The following PRR36 variants were observed in gnomAD, a reference collection of about 807,000 sequenced individuals.
PRR36 encodes proline-rich protein 36.
PRR36 carries 30 observed loss-of-function variants against 58.6 expected under a neutral mutation model. The ratio of observed to expected loss-of-function variants is 0.51; its 90% CI spans 0.38 to 0.69. The LOEUF (loss-of-function observed/expected upper bound fraction) is 0.69, where lower values mean the gene tolerates loss of function less well. PRR36 is among the 30% of genes least tolerant of loss of function. PRR36 has a pLI of 0.00. For synonymous variants in PRR36, 771 were observed against 829.3 expected (o/e 0.93, Z 1.21); for missense variants, 1,692 against 1,805.6 (o/e 0.94, Z 1.14).
Position 7,873,927 on chromosome 19 carries a change from G to A in PRR36, c.-7-231C>T, listed in dbSNP as rs1980588296. On this transcript the variant is annotated intron_variant, in intron 1 of 5. Coordinates refer to ENST00000618550, the MANE Select transcript of PRR36 (RefSeq NM_001190467.2). This position sits in a 1 kb window ranked among gnomAD's most constrained non-coding sequence, Gnocchi z 5.0. ...CCACCGCTTTTCCCTAAAGCGAAGA[G>A]GCCCTGCCCGCCCCAGCCCACCGCC... 1.3e-5 allele frequency among the ~76,000 whole-genome samples: 2 copies of A among 150,868 alleles called. No individual in the cohort carries two copies. The highest frequency in any genetic ancestry group is 4.2e-4 in the South Asian group (2 of 4,726).
Position 7,871,376 on chromosome 19 carries a change from T to C in PRR36, c.1868A>G (p.Gln623Arg). Residue 623 changes from glutamine to arginine, a missense_variant, in exon 5 of 6, where the codon CAG becomes CGG. Transcript: ENST00000618550. Reference sequence around the variant, plus strand: ...CATTGTCAGGAAAGAATGTGTGGCCTGCAGAGTGGGTGAGCCCAAAGAAGT... The same window carrying C: ...CATTGTCAGGAAAGAATGTGTGGCCCGCAGAGTGGGTGAGCCCAAAGAAGT... Reference protein sequence around the residue: ...ATTSLGSPTLQATHSFLTMSP... With the variant: ...ATTSLGSPTLRATHSFLTMSP... 4 of 1,535,348 alleles carry C rather than the reference T, an allele frequency of 2.6e-6. No individual in the cohort carries two copies. In the South Asian group the frequency reaches 4.8e-5, roughly 18 times the overall value.
In PRR36 at chr19:7,873,731, G is replaced by A. The variant is rs529555386; in HGVS notation, c.-7-35C>T. The A allele has an allele frequency of 4.9e-5, 74 of 1,519,576 alleles. No individual in the cohort carries two copies. The South Asian group carries it at 8.2e-4, about 17-fold the overall frequency. The allele number at this position is 1,519,576 out of a possible 1,614,324, so 94.1% of individuals were successfully genotyped here. On this transcript the variant is annotated intron_variant, in intron 1 of 5. Coordinates refer to ENST00000618550, the MANE Select transcript of PRR36 (RefSeq NM_001190467.2). This position sits in a 1 kb window ranked among gnomAD's most constrained non-coding sequence, Gnocchi z 5.0. The stretch of plus-strand genomic sequence containing the variant: ...CAAACCGGTCCGCATCCCAGGTTCT[G>A]GACAGCTACGCCGCCTCCAGAGACC...
In PRR36 at chr19:7,871,342, C is replaced by A. The variant is rs1371931994; in HGVS notation, c.1902G>T (p.Arg634Ser). 1.3e-6 allele frequency: 2 copies of A among 1,530,744 alleles called. No individual in the cohort carries two copies. Among genetic ancestry groups the A allele is most frequent in the Non-Finnish European group, 1.7e-6 (2 of 1,143,604 alleles). The allele number at this position is 1,530,744 out of a possible 1,614,324, so 94.8% of individuals were successfully genotyped here. A position where few individuals can be genotyped will look rare whatever the true frequency, so the allele number is the denominator to read the frequency against. The change falls in exon 5 of 6, where the codon AGG becomes AGT. Residue 634 changes from arginine to serine, a missense_variant. By Grantham distance (110) the Arg-to-Ser change is moderately radical. Coordinates refer to ENST00000618550, the MANE Select transcript of PRR36 (RefSeq NM_001190467.2). ...GTGAGATCAAAGAAGCTTGGGTTTG[C>A]CTAGGGGACATTGTCAGGAAAGAAT... ...ATHSFLTMSPRQTQASLISPS... is the reference protein window; with the variant it reads ...ATHSFLTMSPSQTQASLISPS...
In PRR36 at chr19:7,869,832, T is replaced by A; in HGVS notation, c.3412A>T (p.Ser1138Cys). 7.4e-7 allele frequency: 1 copy of A among 1,349,738 alleles called. No homozygotes were observed. Among genetic ancestry groups the A allele is most frequent in the Non-Finnish European group, 9.5e-7 (1 of 1,057,654 alleles). 83.6% of individuals were successfully genotyped at this position (1,349,738 alleles called of 1,614,324 possible). A position where few individuals can be genotyped will look rare whatever the true frequency, so the allele number is the denominator to read the frequency against. The change falls in exon 5 of 6, where the codon AGC becomes TGC. Residue 1138 changes from serine to cysteine, a missense_variant. Ser to Cys is a moderately radical substitution (Grantham distance 112). This residue lies in a region of PRR36 where 485 missense variants were observed against 549.2 expected (regional missense o/e 0.88). Transcript: ENST00000618550. ...STPEELRGYD[S>C]GPEGGAAASP... is the part of the protein sequence containing the mutation. The stretch of plus-strand genomic sequence containing the variant: ...GCTGCGGCACCGCCCTCGGGCCCGC[T>A]GTCGTAGCCACGCAGCTCCTCTGGC...
rs971687327 is a variant in PRR36 at position 7,873,670 on chromosome 19, T to A, written c.20A>T (p.Lys7Met). Residue 7 changes from lysine to methionine, a missense_variant, in exon 2 of 6, where the codon AAG (lysine) becomes ATG (methionine). Lys to Met is a moderately conservative substitution (Grantham distance 95). This residue lies in a region of PRR36 where 975 missense variants were observed against 955.2 expected (regional missense o/e 1.02). Coordinates refer to ENST00000618550, the MANE Select transcript of PRR36 (RefSeq NM_001190467.2). The surrounding 1 kb of genome is among the most constrained non-coding windows in gnomAD (Gnocchi z 5.0). MDNKRDKAKAGAAARTP... is the reference protein window; with the variant it reads MDNKRDMAKAGAAARTP... The stretch of plus-strand genomic sequence containing the variant: ...CCGCGCGGCGGCCCCTGCCTTCGCC[T>A]TGTCTCTCTTGTTGTCCATCTTGCA... 1.4e-5 allele frequency: 22 copies of A among 1,535,062 alleles called. No individual in the cohort carries two copies. In the African/African-American group the frequency reaches 3.0e-4, roughly 21 times the overall value.
Position 7,869,951 on chromosome 19 carries a change from A to AACGCCAGGGTCAGCCGTGGGCCC in PRR36, c.3270_3292dup (p.Leu1098TrpfsTer5), listed in dbSNP as rs1313615071. On this transcript the variant is annotated stop_gained and frameshift_variant, in exon 5 of 6. Transcript: ENST00000618550. LOFTEE classifies it high-confidence loss of function. Reference sequence around the variant, plus strand: ...GGGCGGCGGCGGCGGGCCGGGGGCCAACGCCAGGGTCAGCCGTGGGCCCGA... The same window carrying AACGCCAGGGTCAGCCGTGGGCCC: ...GGGCGGCGGCGGCGGGCCGGGGGCCAACGCCAGGGTCAGCCGTGGGCCCACGCCAGGGTCAGCCGTGGGCCCGA... The AACGCCAGGGTCAGCCGTGGGCCC allele has an allele frequency of 3.6e-6, 5 of 1,371,616 alleles. No homozygotes were observed. Among genetic ancestry groups the AACGCCAGGGTCAGCCGTGGGCCC allele is most frequent in the Non-Finnish European group, 4.7e-6 (5 of 1,069,942 alleles). 85.0% of individuals were successfully genotyped at this position (1,371,616 alleles called of 1,614,324 possible).
rs1284042939 is a variant in PRR36 at position 7,869,562 on chromosome 19, A to C, written c.3530-18T>G. 56 of 1,516,294 alleles carry C rather than the reference A, an allele frequency of 3.7e-5. No individual in the cohort carries two copies. Among genetic ancestry groups the C allele is most frequent in the African/African-American group, 1.4e-5 (1 of 70,232 alleles). The allele number at this position is 1,516,294 out of a possible 1,614,324, so 93.9% of individuals were successfully genotyped here. On this transcript the variant is annotated intron_variant, in intron 5 of 5. Coordinates refer to ENST00000618550, the MANE Select transcript of PRR36 (RefSeq NM_001190467.2). The stretch of plus-strand genomic sequence containing the variant: ...GGGCGCACCTGCGGGGAGAGACGCC[A>C]GGTGGGCCGTGGGGGTGATAAGCCC...
rs940654318 is a variant in PRR36 at position 7,873,386 on chromosome 19, T to C, written c.271+33A>G. ...CAGGTATTGGAAGGGGGAGGGAAGA[T>C]GGGGGCGGAGCTGAGGAAGGAGGCT... is the stretch of plus-strand genomic sequence containing the variant. On this transcript the variant is annotated intron_variant, in intron 2 of 5. Coordinates refer to ENST00000618550, the MANE Select transcript of PRR36 (RefSeq NM_001190467.2). The surrounding 1 kb of genome is among the most constrained non-coding windows in gnomAD (Gnocchi z 5.0). 2.6e-6 allele frequency: 4 copies of C among 1,514,124 alleles called. No homozygotes were observed. Among genetic ancestry groups the C allele is most frequent in the Non-Finnish European group, 3.5e-6 (4 of 1,133,828 alleles). 93.8% of individuals were successfully genotyped at this position (1,514,124 alleles called of 1,614,324 possible). A position where few individuals can be genotyped will look rare whatever the true frequency, so the allele number is the denominator to read the frequency against.
Position 7,873,409 on chromosome 19 carries a change from G to T in PRR36, c.271+10C>A, listed in dbSNP as rs1365507262. The T allele has an allele frequency of 3.9e-6, 6 of 1,524,564 alleles. No individual in the cohort carries two copies. Among genetic ancestry groups the T allele is most frequent in the Non-Finnish European group, 4.4e-6 (5 of 1,139,210 alleles). The allele number at this position is 1,524,564 out of a possible 1,614,324, so 94.4% of individuals were successfully genotyped here. A position where few individuals can be genotyped will look rare whatever the true frequency, so the allele number is the denominator to read the frequency against. ...GATGGGGGCGGAGCTGAGGAAGGAG[G>T]CTGGGGTACCAGGGTTTCGGGAACT... On this transcript the variant is annotated intron_variant, in intron 2 of 5. Transcript: ENST00000618550. This position sits in a 1 kb window ranked among gnomAD's most constrained non-coding sequence, Gnocchi z 5.0.
chr19:7,872,692 G>A lies in PRR36; in HGVS notation c.552C>T (p.Gly184=). The A allele has an allele frequency of 6.9e-7, 1 of 1,448,136 alleles. No individual in the cohort carries two copies. Among genetic ancestry groups the A allele is most frequent in the Non-Finnish European group, 9.0e-7 (1 of 1,105,824 alleles). The allele number at this position is 1,448,136 out of a possible 1,614,324, so 89.7% of individuals were successfully genotyped here. ...PAMARRSRAA[G]TEVGLPRPAP... The stretch of plus-strand genomic sequence containing the variant: ...CTGGCCGGGGGAGCCCCACCTCGGT[G>A]CCCGCAGCCCGGGACCGACGGGCCA... The change falls in exon 5 of 6, where the codon GGC becomes GGT. Residue 184 remains glycine, a synonymous_variant. Transcript: ENST00000618550. The surrounding 1 kb of genome is among the most constrained non-coding windows in gnomAD (Gnocchi z 6.1).
rs1980430612 is a variant in PRR36, at chr19:7,871,290, CAG to C, written c.1952_1953del (p.Pro651ArgfsTer354). On this transcript the variant is annotated frameshift_variant, in exon 5 of 6. Transcript: ENST00000618550. LOFTEE classifies it high-confidence loss of function. ...AGAGGGGCCTGCAGAGGGGGTGAAT[CAG>C]GGGGAGTAGAGGCCGGCCGAGAAGG... ...ISPSRPASTPPDSPPLQAPLS... is the reference protein window; with the variant it reads ...ISPSRPASTPXDSPPLQAPLS... The C allele has an allele frequency of 1.3e-6, 2 of 1,513,616 alleles. No homozygotes were observed. Among genetic ancestry groups the C allele is most frequent in the Non-Finnish European group, 1.8e-6 (2 of 1,137,608 alleles). The allele number at this position is 1,513,616 out of a possible 1,614,324, so 93.8% of individuals were successfully genotyped here. A position where few individuals can be genotyped will look rare whatever the true frequency, so the allele number is the denominator to read the frequency against.
At position 7,869,287 on chromosome 19, in the gene PRR36, G is replaced by A; in HGVS notation, c.3787C>T (p.Arg1263Trp). The A allele has an allele frequency of 2.1e-6, 3 of 1,451,114 alleles. No homozygotes were observed. Among genetic ancestry groups the A allele is most frequent in the Non-Finnish European group, 2.7e-6 (3 of 1,113,426 alleles). 89.9% of individuals were successfully genotyped at this position (1,451,114 alleles called of 1,614,324 possible). Residue 1263 changes from arginine to tryptophan, a missense_variant, in exon 6 of 6, where the codon CGG becomes TGG. Arg to Trp is a moderately radical substitution (Grantham distance 101). This residue lies in a region of PRR36 where 485 missense variants were observed against 549.2 expected (regional missense o/e 0.88). Coordinates refer to ENST00000618550, the MANE Select transcript of PRR36 (RefSeq NM_001190467.2). ...QASVVQHLLS[R>W]TLLLAAAEGA... ...TCGGCAGCCGCCAGCAGCAGCGTCC[G>A]GCTCAGCAGGTGCTGCACGACGCTC...
In PRR36 at chr19:7,873,261, G is replaced by A. The variant is rs969553387; in HGVS notation, c.310C>T (p.Pro104Ser). 9.1e-6 allele frequency: 14 copies of A among 1,535,836 alleles called. No individual in the cohort carries two copies. The highest frequency in any genetic ancestry group is 1.2e-5 in the Non-Finnish European group (14 of 1,146,844). Residue 104 changes from proline (P) to serine (S), a missense_variant, in exon 3 of 6, where the codon CCT (proline) becomes TCT (serine). Pro to Ser is a moderately conservative substitution (Grantham distance 74). Coordinates refer to ENST00000618550, the MANE Select transcript of PRR36 (RefSeq NM_001190467.2). This position sits in a 1 kb window ranked among gnomAD's most constrained non-coding sequence, Gnocchi z 5.0. The stretch of plus-strand genomic sequence containing the variant: ...CCTGGGCTGGTGTTCTTGGCAGGAG[G>A]AGCTCTCTCCCCTCTCCCAGAGGCT... The part of the protein sequence containing the change: ...PPASGRGERA[P>S]PAKNTSPGPV...
In PRR36 at chr19:7,869,754, G is replaced by T; in HGVS notation, c.3490C>A (p.Arg1164=). ...AAAGCCAGCGGCGGAGCGGGGCCTC[G>T]ACTCCAGGCAGCCGGGTGGCAAGCG... ...LAACHPAAWS[R]GPAPPLAFRG... is the part of the protein sequence containing the mutation. Residue 1164 remains arginine (R), a synonymous_variant, in exon 5 of 6, where the codon CGA becomes AGA. Coordinates refer to ENST00000618550, the MANE Select transcript of PRR36 (RefSeq NM_001190467.2). 1 of 1,359,200 alleles carries T rather than the reference G, an allele frequency of 7.4e-7. No homozygotes were observed. The highest frequency in any genetic ancestry group is 9.4e-7 in the Non-Finnish European group (1 of 1,061,810). The allele number at this position is 1,359,200 out of a possible 1,614,324, so 84.2% of individuals were successfully genotyped here.
At position 7,869,369 on chromosome 19, in the gene PRR36, G is replaced by A. The variant is rs1310473340; in HGVS notation, c.3705C>T (p.Ser1235=). The change falls in exon 6 of 6, where the codon TCC becomes TCT. Residue 1235 remains serine (S), a synonymous_variant. Coordinates refer to ENST00000618550, the MANE Select transcript of PRR36 (RefSeq NM_001190467.2). ...KAAAGAGAGA[S]SRSPKQARLG... ...GGCGCGCCTGCTTCGGGCTCCGCGA[G>A]GACGCCCCGGCCCCGGCCCCAGCCG... is the stretch of plus-strand genomic sequence containing the variant. 1.4e-6 allele frequency: 2 copies of A among 1,438,130 alleles called. No homozygotes were observed. The highest frequency in any genetic ancestry group is 3.0e-5 in the Admixed American group (1 of 33,892). The allele number at this position is 1,438,130 out of a possible 1,614,324, so 89.1% of individuals were successfully genotyped here.
rs1294775760 is a variant in PRR36 at position 7,871,410 on chromosome 19, G to T, written c.1834C>A (p.Gln612Lys). Residue 612 changes from glutamine to lysine, a missense_variant, in exon 5 of 6, where the codon CAG becomes AAG. Transcript: ENST00000618550. ...PPSPLALSSL[Q>K]ATTSLGSPTL... ...GGTGAGCCCAAAGAAGTTGTGGCCT[G>T]CAGAGAGGACAAAGCCAGAGGAGAG... 1 of 1,535,790 alleles carries T rather than the reference G, an allele frequency of 6.5e-7. No homozygotes were observed. Among genetic ancestry groups the T allele is most frequent in the Admixed American group, 2.0e-5 (1 of 50,978 alleles).
rs1459179033 is a variant in PRR36, at chr19:7,868,830, C to A, written c.*203G>T. 1.4e-5 allele frequency: 8 copies of A among 552,176 alleles called. No homozygotes were observed. Among genetic ancestry groups the A allele is most frequent in the South Asian group, 1.1e-4 (4 of 34,894 alleles). 34.2% of individuals were successfully genotyped at this position (552,176 alleles called of 1,614,324 possible). A position where few individuals can be genotyped will look rare whatever the true frequency, so the allele number is the denominator to read the frequency against. ...CGGGGCGTGTCCTAGGCCAAAGGGG[C>A]GGAGCTCGAGGGGCGGGCCTAGGTC... On this transcript the variant is annotated 3_prime_UTR_variant, in exon 6 of 6. Transcript: ENST00000618550.
In PRR36 at chr19:7,869,379, GC is replaced by G; in HGVS notation, c.3694del (p.Ala1232ProfsTer30). ...SGGKAAAGAG[A>X]GASSRSPKQA... ...CTTCGGGCTCCGCGAGGACGCCCCG[GC>G]CCCGGCCCCAGCCGCCGCCTTCCCA... On this transcript the variant is annotated frameshift_variant, in exon 6 of 6. Transcript: ENST00000618550. LOFTEE classifies it low-confidence loss of function (END_TRUNC). The G allele has an allele frequency of 6.8e-7, 1 of 1,462,450 alleles. No homozygotes were observed. The highest frequency in any genetic ancestry group is 9.0e-7 in the Non-Finnish European group (1 of 1,116,606). The allele number at this position is 1,462,450 out of a possible 1,614,324, so 90.6% of individuals were successfully genotyped here. A position where few individuals can be genotyped will look rare whatever the true frequency, so the allele number is the denominator to read the frequency against.
chr19:7,871,588 AGAGG>A lies in PRR36; in HGVS notation c.1652_1655del (p.Pro551LeufsTer20). 1 of 1,535,722 alleles carries A rather than the reference AGAGG, an allele frequency of 6.5e-7. No individual in the cohort carries two copies. Among genetic ancestry groups the A allele is most frequent in the Non-Finnish European group, 8.7e-7 (1 of 1,146,830 alleles). ...CCTGCAGAGGCGGTGAGGCCAAAAG[AGAGG>A]GAGAAACTAGAGGAGGATCCTGCAG... On this transcript the variant is annotated frameshift_variant, in exon 5 of 6. Transcript: ENST00000618550. LOFTEE classifies it high-confidence loss of function.
Sources: gnomAD v4.1 joint callset for allele counts (sites outside exome capture counted in the v4.1 genomes callset) on GRCh38, gnomAD v4.1.1 for gene constraint, gnomAD v4.1.1 regional missense constraint, Gnocchi (gnomAD v3.1) non-coding constraint, MANE v1.5 for transcripts, NCBI Gene and HGNC (gene_info 2026-07-23, HGNC 2026-07-21) for gene names.